The following KDM4C variants were observed in gnomAD, a reference collection of about 807,000 sequenced individuals.
KDM4C encodes the protein lysine demethylase 4C.
A neutral mutation model predicts 129.3 loss-of-function variants in KDM4C; 81 were observed. The observed-to-expected ratio is 0.63, with a 90% CI of 0.52 to 0.75. KDM4C has a LOEUF of 0.75. Among genes scored for constraint, KDM4C ranks in the 30% least tolerant of loss-of-function variants. The pLI, the probability that KDM4C is intolerant of heterozygous loss-of-function variation, is 0.00. For synonymous variants in KDM4C, 573 were observed against 456.1 expected (o/e 1.26, Z -3.26); for missense variants, 1,457 against 1,304.0 (o/e 1.12, Z -1.81).
intron 8 of KDM4C, among the ~76,000 whole-genome samples, chr9:6,943,749 T>C (rs948218457): frequency 2.0e-5 from 3 of 152,218 alleles, no homozygotes; most frequent in Non-Finnish European, 4.4e-5. Context: ...TATAGAATAC[T>C]TTACTGCATT....
At chr9:6,918,531 T>C (rs1349580091) in intron 8 of KDM4C, among the ~76,000 whole-genome samples, 1 of 152,218 alleles carries the variant, frequency 6.6e-6, no homozygotes, top group East Asian at 1.9e-4. Context: ...TTTGGGTATA[T>C]ACCCATCAAT....
intron 12 of KDM4C, among the ~76,000 whole-genome samples, chr9:6,994,068 C>G (rs1406672905): frequency 6.6e-6 from 1 of 152,086 alleles, no homozygotes; most frequent in East Asian, 1.9e-4. Context: ...TAAAGCTGTT[C>G]CACCTCGGAT....
intron 17 of KDM4C, among the ~76,000 whole-genome samples, chr9:7,100,014 C>G (rs1836890905): frequency 6.6e-6 from 1 of 152,028 alleles, no homozygotes; most frequent in African/African-American, 2.4e-5. Flanking sequence ...CCCTCTCTAG[C>G]CTTGACTCTC....
rs763666519 is a variant in KDM4C, at chr9:6,806,878, GTCTCCCTCTCCCTCTCCC to G, written c.320+1128_320+1145del. Among the ~76,000 whole-genome samples the G allele has an allele frequency of 2.3e-3, 315 of 139,546 alleles. 2 individuals are homozygous for G. The highest frequency in any genetic ancestry group is 7.8e-3 in the African/African-American group (252 of 32,224). 91.5% of individuals were successfully genotyped at this position (139,546 alleles called of 152,430 possible). A position where few individuals can be genotyped will look rare whatever the true frequency, so the allele number is the denominator to read the frequency against. On this transcript the variant is annotated intron_variant, in intron 3 of 21. Transcript: ENST00000381309. ...ACTGTTGCTCTCCCTCTCCGTCTCC[GTCTCCCTCTCCCTCTCCC>G]TCTCCCTCTCCCTCTCCCTCTCCGT...
At chr9:6,883,833 T>A (rs1478066354) in intron 6 of KDM4C, among the ~76,000 whole-genome samples, 3 of 151,944 alleles carry the variant, frequency 2.0e-5, no homozygotes, top group African/African-American at 7.3e-5. Flanking sequence ...GCTTGGGGAG[T>A]CCTTGGTGAC....
chr9:7,130,798 G>A (rs958876059), intron 19 of KDM4C, among the ~76,000 whole-genome samples: 29 of 151,860 alleles, frequency 1.9e-4, no homozygotes, highest in African/African-American at 4.1e-4. Flanking sequence ...TCATTTTGTC[G>A]CCTAGGCTGG....
At chr9:6,974,428 C>T (rs759102038) in intron 8 of KDM4C, among the ~76,000 whole-genome samples, 7 of 152,196 alleles carry the variant, frequency 4.6e-5, no homozygotes, top group Middle Eastern at 3.2e-3. Context: ...TGTGCGACCG[C>T]GGCTCACTGC....
intron 8 of KDM4C, among the ~76,000 whole-genome samples, chr9:6,923,117 T>A (rs1177486727): frequency 1.3e-5 from 2 of 152,232 alleles, no homozygotes; most frequent in Admixed American, 1.3e-4. Context: ...TTAATGTTTT[T>A]ACTCTTTACG....
At chr9:7,123,807 G>C (rs1448858832) in intron 18 of KDM4C, among the ~76,000 whole-genome samples, 3 of 152,156 alleles carry the variant, frequency 2.0e-5, no homozygotes. Flanking sequence ...CAAGAGTAGA[G>C]TCGGAGGCTA....
chr9:6,765,804 A>AGG (rs753127616), intron 1 of KDM4C, among the ~76,000 whole-genome samples: 1 of 151,892 alleles, frequency 6.6e-6, no homozygotes, highest in Non-Finnish European at 1.5e-5. Flanking sequence ...TTTTTTTTGC[A>AGG]GGGGGATGGA....
intron 2 of KDM4C, among the ~76,000 whole-genome samples, chr9:6,805,025 C>T (rs1274678184): frequency 1.3e-5 from 2 of 151,928 alleles, no homozygotes; most frequent in East Asian, 2.0e-4. Context: ...CTCAGCCTCC[C>T]GGGTAGCTGG....
intron 17 of KDM4C, among the ~76,000 whole-genome samples, chr9:7,096,247 C>A (rs1462595366): frequency 2.0e-5 from 3 of 152,184 alleles, no homozygotes; most frequent in African/African-American, 7.2e-5. Context: ...TGTGTGCTAT[C>A]AGCGAAGTGC....
intron 17 of KDM4C, among the ~76,000 whole-genome samples, chr9:7,051,705 C>G (rs1034145460): frequency 1.3e-5 from 2 of 152,090 alleles, no homozygotes; most frequent in Non-Finnish European, 2.9e-5. Flanking sequence ...TGTGGGCATT[C>G]CTTTTCTGAA....
intron 21 of KDM4C, chr9:7,170,882 T>G (rs1844885569): frequency 3.1e-6 from 1 of 320,046 alleles, no homozygotes; most frequent in South Asian, 1.3e-4. Flanking sequence ...GTCTTTGGCC[T>G]CACATAAACT....
chr9:7,017,046 C>G (rs1452243642), intron 15 of KDM4C, among the ~76,000 whole-genome samples: 2 of 151,960 alleles, frequency 1.3e-5, no homozygotes, highest in Non-Finnish European at 1.5e-5. Context: ...AGTGATCTTC[C>G]CACTTCACCC....
At chr9:6,973,103 T>C (rs2821442) in intron 8 of KDM4C, among the ~76,000 whole-genome samples, 59,359 of 152,078 alleles carry the variant, frequency 0.39, 11,752 homozygotes, top group South Asian at 0.46. Context: ...ACTGTTTTTA[T>C]GGAGAAGTTT....
intron 4 of KDM4C, among the ~76,000 whole-genome samples, chr9:6,823,510 T>C (rs1226955959): frequency 2.0e-5 from 3 of 152,204 alleles, no homozygotes; most frequent in African/African-American, 7.2e-5. Context: ...GCCCTACCTG[T>C]CACCTTCAAC....
intron 4 of KDM4C, among the ~76,000 whole-genome samples, chr9:6,818,480 C>G (rs1360480752): frequency 2.0e-5 from 3 of 152,114 alleles, no homozygotes; most frequent in African/African-American, 7.2e-5. Context: ...CAGAGAGAGG[C>G]CAAGAGCAGG....
intron 20 of KDM4C, among the ~76,000 whole-genome samples, chr9:7,169,164 C>T (rs1228880571): frequency 6.6e-6 from 1 of 151,936 alleles, no homozygotes; most frequent in African/African-American, 2.4e-5. Context: ...ACAGACCCAA[C>T]CCATTTTAAT....
Sources: gnomAD v4.1 joint callset for allele counts (sites outside exome capture counted in the v4.1 genomes callset) on GRCh38, gnomAD v4.1.1 for gene constraint, MANE v1.5 for transcripts, NCBI Gene and HGNC (gene_info 2026-07-23, HGNC 2026-07-21) for gene names.